Variants in GMDS observed in about 807,000 individuals in gnomAD.
GMDS encodes the protein GDP-mannose 4,6-dehydratase.
Under a neutral mutation model 49.9 loss-of-function variants are expected in GMDS, and 20 were observed. The ratio of observed to expected loss-of-function variants is 0.40; its 90% CI spans 0.28 to 0.58. The LOEUF (loss-of-function observed/expected upper bound fraction) is 0.58, where lower values mean the gene tolerates loss of function less well. Ranked by LOEUF, GMDS falls within the 20% of genes least tolerant of loss-of-function variation. The pLI, the probability that GMDS is intolerant of heterozygous loss-of-function variation, is 0.42. For missense variants in GMDS, 362 were observed against 481.4 expected (o/e 0.75, Z 2.32); for synonymous variants, 177 against 178.6 (o/e 0.99, Z 0.07).
At chr6:1,655,511 ACACACACATAT>A (rs770526742) in intron 9 of GMDS, among the ~76,000 whole-genome samples, 3 of 111,632 alleles carry the variant, frequency 2.7e-5, no homozygotes, top group African/African-American at 3.8e-5. Context: ...ACACACACAC[ACACACACATAT>A]TTTTTTTTTT....
At chr6:1,628,139 T>A (rs1404303434) in intron 9 of GMDS, among the ~76,000 whole-genome samples, 1 of 152,244 alleles carries the variant, frequency 6.6e-6, no homozygotes, top group Admixed American at 6.5e-5. Context: ...GCAGCCATTT[T>A]TTAGGCTTTC....
At chr6:2,042,108 A>G (rs981371240) in intron 4 of GMDS, among the ~76,000 whole-genome samples, 2 of 152,234 alleles carry the variant, frequency 1.3e-5, no homozygotes, top group African/African-American at 4.8e-5. Flanking sequence ...TGACAAAATG[A>G]CATATAATTT....
At chr6:2,013,042 A>AG (rs1012324948) in intron 4 of GMDS, among the ~76,000 whole-genome samples, 4 of 152,208 alleles carry the variant, frequency 2.6e-5, no homozygotes, top group African/African-American at 9.6e-5. Context: ...TGAAAGAGAA[A>AG]GAAAAAAAAC....
intron 4 of GMDS, among the ~76,000 whole-genome samples, chr6:2,069,677 T>C (rs1216382913): frequency 6.6e-6 from 1 of 152,180 alleles, no homozygotes; most frequent in African/African-American, 2.4e-5. Flanking sequence ...ATGCTCACCA[T>C]CACTGGCCAT....
At chr6:1,669,821 G>A (rs1320413825) in intron 9 of GMDS, among the ~76,000 whole-genome samples, 1 of 146,352 alleles carries the variant, frequency 6.8e-6, no homozygotes, top group Non-Finnish European at 1.5e-5. Context: ...GCTGAGGCAG[G>A]AGAATCACTT....
chr6:1,890,826 T>C (rs1347276082), intron 7 of GMDS, among the ~76,000 whole-genome samples: 2 of 152,196 alleles, frequency 1.3e-5, no homozygotes, highest in Non-Finnish European at 2.9e-5. Flanking sequence ...GCAGGGTGGA[T>C]TAAGGTTCAA....
chr6:1,634,070 A>G (rs1413107185), intron 9 of GMDS, among the ~76,000 whole-genome samples: 1 of 152,080 alleles, frequency 6.6e-6, no homozygotes, highest in Non-Finnish European at 1.5e-5. Context: ...GCATGGCCCA[A>G]CTCTAATACA....
intron 7 of GMDS, among the ~76,000 whole-genome samples, chr6:1,747,319 A>G (rs190991327): frequency 6.6e-6 from 1 of 152,308 alleles, no homozygotes; most frequent in East Asian, 1.9e-4. Context: ...CCAAGCCACA[A>G]ACACTTATTA....
chr6:1,878,428 G>GAC (rs1049693744), intron 7 of GMDS, among the ~76,000 whole-genome samples: 102 of 151,528 alleles, frequency 6.7e-4, no homozygotes, highest in African/African-American at 2.4e-3. Flanking sequence ...GATTCTAGGA[G>GAC]ATGTTAGCCC....
intron 7 of GMDS, among the ~76,000 whole-genome samples, chr6:1,868,325 C>A (rs1342313528): frequency 1.3e-5 from 2 of 152,158 alleles, no homozygotes; most frequent in African/African-American, 4.8e-5. Flanking sequence ...CACTATGTTT[C>A]TTCACCAGTC....
At chr6:2,123,107 G>A (rs907539772) in intron 2 of GMDS, among the ~76,000 whole-genome samples, 13 of 152,154 alleles carry the variant, frequency 8.5e-5, no homozygotes, top group African/African-American at 3.1e-4. Flanking sequence ...CACCTAAATG[G>A]AGATCTGCTT....
At chr6:1,925,342 G>T (rs1651113498) in intron 7 of GMDS, among the ~76,000 whole-genome samples, 1 of 152,082 alleles carries the variant, frequency 6.6e-6, no homozygotes, top group African/African-American at 2.4e-5. Context: ...TAGGAAGCAA[G>T]ACTACAGATG....
At chr6:2,150,825 T>C (rs990447758) in intron 1 of GMDS, among the ~76,000 whole-genome samples, 2 of 151,872 alleles carry the variant, frequency 1.3e-5, no homozygotes, top group Non-Finnish European at 2.9e-5. Flanking sequence ...TTTAATTATA[T>C]GATACCTAAT....
intron 6 of GMDS, among the ~76,000 whole-genome samples, chr6:1,954,575 T>C (rs1367198753): frequency 6.6e-6 from 1 of 152,258 alleles, no homozygotes; most frequent in Non-Finnish European, 1.5e-5. Context: ...CCTTCTTTTG[T>C]TATTTTGACA....
chr6:1,689,332 C>T (rs955708680), intron 9 of GMDS, among the ~76,000 whole-genome samples: 3 of 152,092 alleles, frequency 2.0e-5, no homozygotes, highest in Non-Finnish European at 4.4e-5. Flanking sequence ...AAGTGTAGGC[C>T]TACCTCACAA....
At chr6:1,668,662 G>A (rs912462375) in intron 9 of GMDS, among the ~76,000 whole-genome samples, 3 of 151,888 alleles carry the variant, frequency 2.0e-5, no homozygotes, top group South Asian at 2.1e-4. Context: ...AGCTGAGACC[G>A]CACTACTGCA....
rs535147558 is a variant in GMDS, at chr6:1,666,223, G to A, written c.988-41683C>T. 5.9e-5 allele frequency among the ~76,000 whole-genome samples: 9 copies of A among 152,302 alleles called. 1 individual carries two copies. The highest frequency in any genetic ancestry group is 4.2e-4 in the South Asian group (2 of 4,818). On this transcript the variant is annotated intron_variant, in intron 9 of 10. Transcript: ENST00000380815. ...CAAGTCGCTCTGAGATCCTAGAGAC[G>A]GGAGTCCTGCTCTGCCCAGCATCCT...
At chr6:2,006,612 T>C (rs1767197704) in intron 4 of GMDS, among the ~76,000 whole-genome samples, 1 of 152,198 alleles carries the variant, frequency 6.6e-6, no homozygotes, top group South Asian at 2.1e-4. Flanking sequence ...TTTTATATAC[T>C]ATGTGTATTG....
intron 4 of GMDS, among the ~76,000 whole-genome samples, chr6:2,100,679 G>A (rs778287131): frequency 6.6e-6 from 1 of 151,986 alleles, no homozygotes; most frequent in Non-Finnish European, 1.5e-5. Flanking sequence ...GACGAGTCAA[G>A]ATAGTATACA....
Sources: gnomAD v4.1 joint callset for allele counts (sites outside exome capture counted in the v4.1 genomes callset) on GRCh38, gnomAD v4.1.1 for gene constraint, MANE v1.5 for transcripts, NCBI Gene and HGNC (gene_info 2026-07-23, HGNC 2026-07-21) for gene names.